SLCO1B3: variants seen among roughly 807,000 people sequenced by gnomAD.
SLCO1B3 encodes the protein liver-specific organic anion transporter 2.
In SLCO1B3, 72 loss-of-function variants were observed where a neutral mutation model predicts 71.8. That is an observed-to-expected ratio of 1.00 (90% CI 0.83 to 1.22). SLCO1B3 has a LOEUF of 1.22. SLCO1B3 is among the 50% of genes most tolerant of loss of function. The pLI, the probability that SLCO1B3 is intolerant of heterozygous loss-of-function variation, is 0.00. For missense variants in SLCO1B3, 911 were observed against 819.7 expected (o/e 1.11, Z -1.36); for synonymous variants, 298 against 278.4 (o/e 1.07, Z -0.70).
intron 3 of SLCO1B3, among the ~76,000 whole-genome samples, chr12:20,819,972 A>G (rs1393698554): frequency 6.6e-6 from 1 of 152,078 alleles, no homozygotes; most frequent in Non-Finnish European, 1.5e-5. Flanking sequence ...TTTGGTTAAA[A>G]TATCTCGGCC....
At chr12:20,868,412 AC>A (rs1865413073) in intron 8 of SLCO1B3, among the ~76,000 whole-genome samples, 1 of 152,212 alleles carries the variant, frequency 6.6e-6, no homozygotes, top group Admixed American at 6.5e-5. Flanking sequence ...ACAATGTTGT[AC>A]AGCGGATCTC....
chr12:20,905,387 T>C (rs1432218084), intron 15 of SLCO1B3, among the ~76,000 whole-genome samples: 1 of 152,232 alleles, frequency 6.6e-6, no homozygotes, highest in Non-Finnish European at 1.5e-5. Flanking sequence ...GATTTTATTC[T>C]CAGAAAATGA....
intron 8 of SLCO1B3, among the ~76,000 whole-genome samples, chr12:20,872,752 C>G (rs536096418): frequency 1.3e-5 from 2 of 152,186 alleles, no homozygotes; most frequent in South Asian, 4.1e-4. Context: ...GGCCTCAAAA[C>G]TCTGCCTGGT....
At chr12:20,888,034 G>T (rs761765376) in intron 13 of SLCO1B3, among the ~76,000 whole-genome samples, 1 of 151,946 alleles carries the variant, frequency 6.6e-6, no homozygotes, top group Non-Finnish European at 1.5e-5. Flanking sequence ...TCAGTATGTT[G>T]TAGGTATGTG....
At chr12:20,865,481 T>C (rs1865354833) in intron 8 of SLCO1B3, among the ~76,000 whole-genome samples, 1 of 152,080 alleles carries the variant, frequency 6.6e-6, no homozygotes, top group Admixed American at 6.6e-5. Flanking sequence ...TTTCTTAATC[T>C]TTATTATTTT....
At chr12:20,912,438 C>T (rs1021322109) in intron 15 of SLCO1B3, among the ~76,000 whole-genome samples, 2 of 150,230 alleles carry the variant, frequency 1.3e-5, no homozygotes, top group African/African-American at 2.5e-5. Context: ...AAACAATTCT[C>T]GTGTCTTGGC....
At chr12:20,881,155 T>A (rs1419372021) in intron 12 of SLCO1B3, 135 bp downstream of exon 12, 3 of 608,876 alleles carry the variant, frequency 4.9e-6, no homozygotes, top group African/African-American at 1.9e-5. Context: ...GTATTATCTG[T>A]CCTCGTGATA....
intron 10 of SLCO1B3, among the ~76,000 whole-genome samples, chr12:20,878,917 A>T (rs1338108113): frequency 6.6e-6 from 1 of 152,140 alleles, no homozygotes; most frequent in East Asian, 1.9e-4. Context: ...CCTGGGCAAA[A>T]TTGGAGTGAG....
chr12:20,820,475 G>C (rs557305527), intron 3 of SLCO1B3, among the ~76,000 whole-genome samples: 1 of 152,158 alleles, frequency 6.6e-6, no homozygotes. Flanking sequence ...GCAAGCTCCT[G>C]GGGGAGGAGG....
At chr12:20,887,100 T>A (rs1459032850) in intron 13 of SLCO1B3, among the ~76,000 whole-genome samples, 1 of 152,120 alleles carries the variant, frequency 6.6e-6, no homozygotes, top group Non-Finnish European at 1.5e-5. Flanking sequence ...ATATACAAAA[T>A]TTTTAATCTA....
intron 3 of SLCO1B3, among the ~76,000 whole-genome samples, chr12:20,840,339 TC>T (rs1478524528): frequency 2.0e-5 from 3 of 152,122 alleles, no homozygotes; most frequent in Non-Finnish European, 4.4e-5. Context: ...TAGGTATCAG[TC>T]TTTGAATGAA....
At chr12:20,898,310 G>T (rs575948625) in intron 13 of SLCO1B3, 126 bp from the exon 14 acceptor site, 624 of 614,702 alleles carry the variant, frequency 1.0e-3, no homozygotes, top group Non-Finnish European at 1.4e-3. Flanking sequence ...TTTATATAAC[G>T]TGGGAAATTC....
chr12:20,837,043 A>G (rs1016729234), intron 3 of SLCO1B3, among the ~76,000 whole-genome samples: 2 of 152,160 alleles, frequency 1.3e-5, no homozygotes, highest in Admixed American at 6.5e-5. Context: ...GTTTGAGTAG[A>G]TTGTTTATTT....
chr12:20,893,066 T>C (rs1396679798), intron 13 of SLCO1B3, among the ~76,000 whole-genome samples: 2 of 151,556 alleles, frequency 1.3e-5, no homozygotes, highest in African/African-American at 4.9e-5. Context: ...TGTGAAGAGG[T>C]TAGGGGAATC....
intron 8 of SLCO1B3, among the ~76,000 whole-genome samples, chr12:20,871,729 C>T (rs75575873): frequency 0.014 from 2,202 of 152,240 alleles, 51 homozygotes; most frequent in African/African-American, 0.051. Flanking sequence ...CAAATGTAGT[C>T]TTGCTCTTTC....
intron 3 of SLCO1B3, among the ~76,000 whole-genome samples, chr12:20,846,789 T>C (rs1864929206): frequency 6.8e-6 from 1 of 148,054 alleles, no homozygotes; most frequent in African/African-American, 2.5e-5. Context: ...TAAAATAAAA[T>C]AAACTGTAGA....
At chr12:20,860,603 G>GTGTGTGTT (rs1400868955) in intron 5 of SLCO1B3, among the ~76,000 whole-genome samples, 55 of 141,806 alleles carry the variant, frequency 3.9e-4, no homozygotes, top group African/African-American at 1.5e-3. Context: ...AGCACTTTGT[G>GTGTGTGTT]TGTGTGTGTG....
intron 2 of SLCO1B3, among the ~76,000 whole-genome samples, chr12:20,814,053 A>G (rs1320028136): frequency 6.6e-6 from 1 of 152,200 alleles, no homozygotes; most frequent in East Asian, 1.9e-4. Flanking sequence ...GCAAGTATCT[A>G]CATAGCATGT....
intron 8 of SLCO1B3, among the ~76,000 whole-genome samples, chr12:20,874,312 G>A (rs1865534403): frequency 1.3e-5 from 2 of 152,174 alleles, no homozygotes; most frequent in South Asian, 4.1e-4. Flanking sequence ...TACTGAGGAG[G>A]AGAATGGCAA....
Sources: allele counts gnomAD v4.1 joint callset (sites outside exome capture counted in the v4.1 genomes callset), GRCh38; gene constraint gnomAD v4.1.1; transcripts MANE v1.5; gene names NCBI Gene and HGNC (gene_info 2026-07-23, HGNC 2026-07-21).